The following OR51E2 variants were observed in gnomAD, a reference collection of about 807,000 sequenced individuals.
OR51E2 encodes the protein olfactory receptor family 51 subfamily E member 2, also known as olfactory receptor 51E2.
A neutral mutation model predicts 13.7 loss-of-function variants in OR51E2; 14 were observed. The ratio of observed to expected loss-of-function variants is 1.02; its 90% CI spans 0.68 to 1.60. The LOEUF (loss-of-function observed/expected upper bound fraction) is 1.60. OR51E2 is among the 40% of genes most tolerant of loss of function. The pLI is 0.00. For synonymous variants in OR51E2, 180 were observed against 157.6 expected (o/e 1.14, Z -1.07); for missense variants, 483 against 413.8 (o/e 1.17, Z -1.45).
intron 1 of OR51E2, chr11:4,691,504 T>C (rs367662238): frequency 1.8e-5 from 8 of 456,442 alleles, no homozygotes; most frequent in East Asian, 1.4e-4. Flanking sequence ...GCGGACAGCA[T>C]GGAGAGGAAA....
At chr11:4,696,673 C>T (rs1225698536) in intron 1 of OR51E2, among the ~76,000 whole-genome samples, 1 of 152,152 alleles carries the variant, frequency 6.6e-6, no homozygotes, top group African/African-American at 2.4e-5. Flanking sequence ...CTTTCCGACC[C>T]ATCCTCTCCA....
At chr11:4,694,246 A>G (rs1017824481) in intron 1 of OR51E2, among the ~76,000 whole-genome samples, 1 of 152,076 alleles carries the variant, frequency 6.6e-6, no homozygotes, top group Non-Finnish European at 1.5e-5. Context: ...AAACAAAACA[A>G]AAGAAAACCA....
Position 4,681,685 on chromosome 11 carries a change from C to G in OR51E2, c.*64G>C. 1.9e-6 allele frequency: 3 copies of G among 1,575,574 alleles called. 1 individual carries two copies. In the South Asian group the frequency reaches 3.5e-5, roughly 18 times the overall value. ...GTGCTTATGGGCAACTGGAAATAAG[C>G]TAGTGTTAGAAATAATTATGTTTAT... On this transcript the variant is annotated 3_prime_UTR_variant, in exon 2 of 2. Transcript: ENST00000396950.
In OR51E2 at chr11:4,682,637, C is replaced by G; in HGVS notation, c.75G>C (p.Trp25Cys). ...GIPGLEKAHFWVGFPLLSMYV... is the reference protein window; with the variant it reads ...GIPGLEKAHFCVGFPLLSMYV... ...ACATGGAAAGGAGGGGGAAGCCAAC[C>G]CAGAAATGGGCTTTCTCTAATCCTG... Residue 25 changes from tryptophan (W) to cysteine (C), a missense_variant, in exon 2 of 2, where the codon TGG becomes TGC. Transcript: ENST00000396950. 6.2e-7 allele frequency: 1 copy of G among 1,614,148 alleles called. No homozygotes were observed. The highest frequency in any genetic ancestry group is 8.5e-7 in the Non-Finnish European group (1 of 1,180,016).
chr11:4,689,353 A>G (rs1175360077), intron 1 of OR51E2, among the ~76,000 whole-genome samples: 2 of 152,194 alleles, frequency 1.3e-5, no homozygotes. Flanking sequence ...AAATGCTAAA[A>G]ATTAAAAATA....
intron 1 of OR51E2, among the ~76,000 whole-genome samples, chr11:4,685,614 A>G (rs1466330343): frequency 6.6e-6 from 1 of 152,236 alleles, no homozygotes; most frequent in African/African-American, 2.4e-5. Context: ...CTCCTAGATT[A>G]CAGATAAAGC....
chr11:4,690,949 T>A (rs566764794), intron 1 of OR51E2: 29 of 454,334 alleles, frequency 6.4e-5, no homozygotes, highest in South Asian at 4.2e-4. Context: ...ATGTAATATA[T>A]AGCAAAAGCC....
At position 4,692,866 on chromosome 11, in the gene OR51E2, G is replaced by T. The variant is rs148546807; in HGVS notation, c.-51+4787C>A. Among the ~76,000 whole-genome samples, 360 of 151,586 alleles carry T rather than the reference G, an allele frequency of 2.4e-3. 2 individuals carry two copies. The highest frequency in any genetic ancestry group is 8.3e-3 in the African/African-American group (341 of 41,328). On this transcript the variant is annotated intron_variant, in intron 1 of 1. Transcript: ENST00000396950. ...GAAGTCTTAGTGAAAAAAAAAGGGG[G>T]GGTGGGGGTGTGATTTAACTAAAAT...
At chr11:4,688,353 G>A (rs867493283) in intron 1 of OR51E2, among the ~76,000 whole-genome samples, 3 of 152,014 alleles carry the variant, frequency 2.0e-5, no homozygotes, top group Non-Finnish European at 2.9e-5. Context: ...TCTGGAGGAC[G>A]AACATTCCAG....
At position 4,688,402 on chromosome 11, in the gene OR51E2, A is replaced by G. The variant is rs1044068686; in HGVS notation, c.-50-5641T>C. 3.3e-5 allele frequency among the ~76,000 whole-genome samples: 5 copies of G among 152,336 alleles called. No individual in the cohort carries two copies. The East Asian group carries it at 9.6e-4, about 29-fold the overall frequency. On this transcript the variant is annotated intron_variant, in intron 1 of 1. Coordinates refer to ENST00000396950, the MANE Select transcript of OR51E2 (RefSeq NM_030774.4). ...CATGTGTGAACTCTGATGTTGAAGC[A>G]TGCTTGATGAGTTTAAGAAAATATT... is the stretch of plus-strand genomic sequence containing the variant.
chr11:4,692,110 T>A (rs1206716613), intron 1 of OR51E2: 1 of 443,702 alleles, frequency 2.3e-6, no homozygotes, highest in African/African-American at 2.0e-5. Context: ...CCTCTATGGT[T>A]GGCACCAGAG....
chr11:4,689,536 G>A (rs913519594), intron 1 of OR51E2, among the ~76,000 whole-genome samples: 2 of 152,158 alleles, frequency 1.3e-5, no homozygotes, highest in African/African-American at 4.8e-5. Flanking sequence ...TTCTGGACCT[G>A]ATACCAACTA....
intron 1 of OR51E2, among the ~76,000 whole-genome samples, chr11:4,696,517 G>A (rs1847658506): frequency 6.6e-6 from 1 of 152,140 alleles, no homozygotes; most frequent in Admixed American, 6.5e-5. Flanking sequence ...GTGGGTATTT[G>A]CAGCTATTAT....
At chr11:4,696,909 T>G (rs1474933012) in intron 1 of OR51E2, among the ~76,000 whole-genome samples, 1 of 152,222 alleles carries the variant, frequency 6.6e-6, no homozygotes, top group African/African-American at 2.4e-5. Flanking sequence ...GTTCAGATTC[T>G]TGCTCAAACA....
chr11:4,686,109 C>A (rs1847512856), intron 1 of OR51E2, among the ~76,000 whole-genome samples: 1 of 152,194 alleles, frequency 6.6e-6, no homozygotes, highest in African/African-American at 2.4e-5. Flanking sequence ...TTTGTGCAGG[C>A]ACTGTGCTGA....
chr11:4,687,353 T>C (rs1486753504), intron 1 of OR51E2, among the ~76,000 whole-genome samples: 3 of 152,184 alleles, frequency 2.0e-5, no homozygotes, highest in Non-Finnish European at 4.4e-5. Flanking sequence ...TTACCTACAT[T>C]CATTCACTAG....
intron 1 of OR51E2, among the ~76,000 whole-genome samples, chr11:4,697,420 T>C (rs1847668382): frequency 6.6e-6 from 1 of 152,226 alleles, no homozygotes; most frequent in Non-Finnish European, 1.5e-5. Flanking sequence ...AGCACACTGA[T>C]TAAACCATTT....
At position 4,681,430 on chromosome 11, in the gene OR51E2, C is replaced by A; in HGVS notation, c.*319G>T. The stretch of plus-strand genomic sequence containing the variant: ...AAAAAGAGAGAGAAAGTAGGGACAA[C>A]ACTAAATCATTAGTAATTTGAGCAC... On this transcript the variant is annotated 3_prime_UTR_variant, in exon 2 of 2. Transcript: ENST00000396950. The A allele has an allele frequency of 7.0e-6, 2 of 287,678 alleles. No individual in the cohort carries two copies. The highest frequency in any genetic ancestry group is 1.3e-5 in the Non-Finnish European group (2 of 154,424). The allele number at this position is 287,678 out of a possible 1,614,324, so 17.8% of individuals were successfully genotyped here.
intron 1 of OR51E2, among the ~76,000 whole-genome samples, chr11:4,686,979 C>T (rs1187959532): frequency 6.6e-6 from 1 of 152,180 alleles, no homozygotes; most frequent in Non-Finnish European, 1.5e-5. Context: ...GTTCTGTGAA[C>T]ATCTCAGTTG....
Sources: gnomAD v4.1 joint callset for allele counts (sites outside exome capture counted in the v4.1 genomes callset) on GRCh38, gnomAD v4.1.1 for gene constraint, MANE v1.5 for transcripts, NCBI Gene and HGNC (gene_info 2026-07-23, HGNC 2026-07-21) for gene names.